Variants in AGXT2 observed in about 807,000 individuals in gnomAD.
AGXT2 encodes the protein alanine--glyoxylate aminotransferase 2, mitochondrial.
AGXT2 carries 61 observed loss-of-function variants against 62.5 expected under a neutral mutation model. The ratio of observed to expected loss-of-function variants is 0.98; its 90% CI spans 0.79 to 1.21. The LOEUF (loss-of-function observed/expected upper bound fraction) is 1.21, where lower values mean the gene tolerates loss of function less well. Ranked by LOEUF, AGXT2 falls within the 50% of genes most tolerant of loss-of-function variation. AGXT2 has a pLI of 0.00. For missense variants in AGXT2, 666 were observed against 641.5 expected, an observed-to-expected ratio of 1.04 and a Z score of -0.41; for synonymous variants, 243 against 218.7, an observed-to-expected ratio of 1.11 and a Z score of -0.98.
At chr5:35,006,783 C>T (rs1766442065) in intron 12 of AGXT2, among the ~76,000 whole-genome samples, 1 of 152,090 alleles carries the variant, frequency 6.6e-6, no homozygotes, top group African/African-American at 2.4e-5. Flanking sequence ...TATGAGAGTA[C>T]CTATCCTGGG....
At chr5:35,006,078 A>G (rs1052320037) in intron 12 of AGXT2, among the ~76,000 whole-genome samples, 4 of 152,156 alleles carry the variant, frequency 2.6e-5, no homozygotes, top group Non-Finnish European at 5.9e-5. Flanking sequence ...AATATATGGT[A>G]TATCTTGGGC....
chr5:35,004,350 G>T (rs1021989276), intron 12 of AGXT2, among the ~76,000 whole-genome samples: 6 of 152,170 alleles, frequency 3.9e-5, no homozygotes, highest in African/African-American at 1.4e-4. Flanking sequence ...GCTGAGGAGG[G>T]GCCGGTTTGT....
At chr5:35,034,748 G>T (rs1767701938) in intron 5 of AGXT2, among the ~76,000 whole-genome samples, 2 of 152,178 alleles carry the variant, frequency 1.3e-5, no homozygotes, top group Non-Finnish European at 2.9e-5. Flanking sequence ...TTCATCCTCT[G>T]AACTTAAGGA....
rs368199202 is a variant in AGXT2 at position 35,025,873 on chromosome 5, A to G, written c.871-18T>C. ...TTCACACCCTGCAAAAGACCAGACCAAGAAGACCTATAATAATAGCATCAG... is the reference window on the plus strand; with the variant it reads ...TTCACACCCTGCAAAAGACCAGACCGAGAAGACCTATAATAATAGCATCAG... On this transcript the variant is annotated intron_variant, in intron 8 of 13. Transcript: ENST00000231420. 32 of 1,606,270 alleles carry G rather than the reference A, an allele frequency of 2.0e-5. No homozygotes were observed. In the African/African-American group the frequency reaches 2.1e-4, roughly 11 times the overall value.
intron 5 of AGXT2, among the ~76,000 whole-genome samples, chr5:35,034,240 A>C (rs1168861854): frequency 6.6e-6 from 1 of 152,102 alleles, no homozygotes; most frequent in East Asian, 1.9e-4. Flanking sequence ...GCACCGACCT[A>C]ATGTATCTTG....
At chr5:35,022,434 G>A (rs867260536) in intron 9 of AGXT2, among the ~76,000 whole-genome samples, 2 of 152,088 alleles carry the variant, frequency 1.3e-5, no homozygotes, top group Admixed American at 1.3e-4. Context: ...GGACATGGAT[G>A]AAATTGGAAA....
intron 4 of AGXT2, among the ~76,000 whole-genome samples, chr5:35,036,339 T>G (rs1285634565): frequency 6.6e-6 from 1 of 152,206 alleles, no homozygotes; most frequent in Non-Finnish European, 1.5e-5. Flanking sequence ...TGAGCATTGT[T>G]CTAGGTTCTT....
chr5:35,041,028 C>T (rs899965400), intron 1 of AGXT2, among the ~76,000 whole-genome samples: 3 of 151,894 alleles, frequency 2.0e-5, no homozygotes, highest in Non-Finnish European at 4.4e-5. Context: ...AATAGAGGTG[C>T]TTTTTAGGCT....
chr5:35,035,360 T>A, intron 4 of AGXT2, 44 bp from the exon 5 acceptor site: 1 of 1,534,886 alleles, frequency 6.5e-7, no homozygotes, highest in Non-Finnish European at 9.0e-7. Context: ...TTTATTTCCT[T>A]ATTACCCATT....
chr5:35,040,791 A>T, intron 1 of AGXT2, 128 bp from the exon 2 acceptor site: 1 of 782,902 alleles, frequency 1.3e-6, no homozygotes, highest in Non-Finnish European at 2.2e-6. Flanking sequence ...CATGCTAATC[A>T]GCTTTTAGTT....
intron 1 of AGXT2, among the ~76,000 whole-genome samples, chr5:35,041,816 T>C (rs1768002744): frequency 6.6e-6 from 1 of 152,200 alleles, no homozygotes; most frequent in African/African-American, 2.4e-5. Context: ...GTTCTGAATA[T>C]ATCTTCTTTC....
At chr5:35,026,606 A>C (rs745896521) in intron 7 of AGXT2, 96 bp from the exon 8 acceptor site, 539 of 1,167,362 alleles carry the variant, frequency 4.6e-4, no homozygotes, top group Middle Eastern at 9.6e-4. Context: ...AAAAAAAAAA[A>C]CAACCAGACA....
intron 2 of AGXT2, 74 bp downstream of exon 2, chr5:35,040,501 C>T: frequency 1.4e-6 from 2 of 1,407,090 alleles, no homozygotes; most frequent in East Asian, 4.6e-5. Context: ...TTGTGTCATT[C>T]TTAAGGAAAC....
chr5:35,011,484 G>A (rs931157860), intron 11 of AGXT2, among the ~76,000 whole-genome samples: 4 of 149,322 alleles, frequency 2.7e-5, no homozygotes, highest in East Asian at 1.9e-4. Flanking sequence ...AAAAAAATTG[G>A]CAATGTCTAC....
At chr5:35,011,229 G>A (rs947260793) in intron 11 of AGXT2, among the ~76,000 whole-genome samples, 2 of 152,130 alleles carry the variant, frequency 1.3e-5, no homozygotes, top group African/African-American at 2.4e-5. Flanking sequence ...GGAGGCTGAG[G>A]TGGGTGGATC....
intron 1 of AGXT2, among the ~76,000 whole-genome samples, chr5:35,045,506 T>G (rs909343352): frequency 2.6e-5 from 4 of 152,208 alleles, no homozygotes; most frequent in Non-Finnish European, 4.4e-5. Context: ...AGCTTTTTCT[T>G]GCTTATTGTG....
intron 1 of AGXT2, among the ~76,000 whole-genome samples, chr5:35,044,337 G>A (rs749244420): frequency 7.9e-5 from 12 of 152,294 alleles, no homozygotes; most frequent in East Asian, 1.9e-4. Context: ...CAGAGTGGTC[G>A]TTTTCTCTTC....
intron 7 of AGXT2, among the ~76,000 whole-genome samples, chr5:35,029,081 G>T (rs770094307): frequency 2.6e-5 from 4 of 152,230 alleles, no homozygotes; most frequent in Non-Finnish European, 4.4e-5. Flanking sequence ...CTGGAGGTTG[G>T]AGGTTAAGGG....
At chr5:35,031,528 G>A (rs1374714080) in intron 7 of AGXT2, among the ~76,000 whole-genome samples, 1 of 152,158 alleles carries the variant, frequency 6.6e-6, no homozygotes. Flanking sequence ...TCCTTCAGAA[G>A]TACTAAGGAG....
Sources: gnomAD v4.1 joint callset for allele counts (sites outside exome capture counted in the v4.1 genomes callset) on GRCh38, gnomAD v4.1.1 for gene constraint, MANE v1.5 for transcripts, NCBI Gene and HGNC (gene_info 2026-07-23, HGNC 2026-07-21) for gene names.